PCDH11Y: variants seen among roughly 807,000 people sequenced by gnomAD.
The protein encoded by PCDH11Y is protocadherin-11 Y-linked.
For missense variants in PCDH11Y, 12 were observed against 224.8 expected (o/e 0.05, Z 6.05); for synonymous variants, 9 against 83.6 (o/e 0.11, Z 4.87).
chrY:5,172,797 A>T, intron 2 of PCDH11Y, among the ~76,000 whole-genome samples: 1 of 32,029 alleles, frequency 3.1e-5, no homozygotes, highest in Non-Finnish European at 7.7e-5. Context: ...GCCAAATTAT[A>T]GTTAAACAGA....
At chrY:5,365,356 T>C in intron 2 of PCDH11Y, among the ~76,000 whole-genome samples, 2 of 33,118 alleles carry the variant, frequency 6.0e-5, no homozygotes, top group African/African-American at 1.2e-4. Context: ...CAAAAATGTT[T>C]ATTTAGTGTT....
At chrY:5,307,660 C>A in intron 2 of PCDH11Y, among the ~76,000 whole-genome samples, 1 of 32,841 alleles carries the variant, frequency 3.0e-5, no homozygotes, top group Non-Finnish European at 7.5e-5. Context: ...CCTATTAACA[C>A]TGTGAATCAT....
intron 2 of PCDH11Y, among the ~76,000 whole-genome samples, chrY:5,146,605 C>T (rs1602876129): frequency 6.2e-5 from 2 of 32,515 alleles, no homozygotes; most frequent in South Asian, 7.0e-4. Flanking sequence ...TCTAGTTATA[C>T]GAAGGATAGC....
chrY:5,430,733 C>G lies in PCDH11Y; in HGVS notation c.3130-70324C>G, dbSNP rs2053268057. 9.5e-5 allele frequency among the ~76,000 whole-genome samples: 3 copies of G among 31,536 alleles called. No individual in the cohort carries two copies. In the South Asian group the frequency reaches 2.2e-3, roughly 23 times the overall value. 84.6% of individuals were successfully genotyped at this position (31,536 alleles called of 37,273 possible). A position where few individuals can be genotyped will look rare whatever the true frequency, so the allele number is the denominator to read the frequency against. On this transcript the variant is annotated intron_variant, in intron 2 of 4. Transcript: ENST00000400457. ...AGTTTTTAGTGTCATTTTGAAAGACCCTATTATGAAATTATGAAAACAGTA... is the reference window on the plus strand; with the variant it reads ...AGTTTTTAGTGTCATTTTGAAAGACGCTATTATGAAATTATGAAAACAGTA...
chrY:5,255,778 A>G, intron 2 of PCDH11Y, among the ~76,000 whole-genome samples: 2 of 33,185 alleles, frequency 6.0e-5, no homozygotes, highest in African/African-American at 2.3e-4. Flanking sequence ...TTTGATTTAC[A>G]TTTGTCTAAC....
intron 2 of PCDH11Y, among the ~76,000 whole-genome samples, chrY:5,410,933 T>G: frequency 3.3e-5 from 1 of 30,677 alleles, no homozygotes; most frequent in Non-Finnish European, 7.8e-5. Context: ...TCCAGTATAC[T>G]ATTGATGGGT....
chrY:5,256,777 C>A (rs2053011612), intron 2 of PCDH11Y, among the ~76,000 whole-genome samples: 2 of 32,911 alleles, frequency 6.1e-5, no homozygotes, highest in Non-Finnish European at 1.5e-4. Flanking sequence ...TAGGTTAATT[C>A]CTCGGTATTC....
intron 2 of PCDH11Y, among the ~76,000 whole-genome samples, chrY:5,383,743 C>T (rs2053207796): frequency 1.6e-4 from 5 of 31,446 alleles, no homozygotes; most frequent in South Asian, 7.4e-4. Context: ...CTCAGCCTCC[C>T]GAGTAGCTGA....
At chrY:5,236,717 T>C in intron 2 of PCDH11Y, among the ~76,000 whole-genome samples, 1 of 30,867 alleles carries the variant, frequency 3.2e-5, no homozygotes, top group South Asian at 7.3e-4. Flanking sequence ...ATAGAACAGA[T>C]GTGTGTTCAT....
At chrY:5,434,455 C>T (rs2053271726) in intron 2 of PCDH11Y, among the ~76,000 whole-genome samples, 1 of 32,295 alleles carries the variant, frequency 3.1e-5, no homozygotes, top group East Asian at 8.1e-4. Context: ...TGTCTCTGCT[C>T]CTGTTCTGGA....
intron 2 of PCDH11Y, among the ~76,000 whole-genome samples, chrY:5,134,642 C>T (rs373166427): frequency 0.039 from 1,264 of 32,228 alleles, no homozygotes; most frequent in Middle Eastern, 0.3. Flanking sequence ...TGATATATCA[C>T]CTTAATGATT....
At chrY:5,042,935 G>A in intron 3 of PCDH11Y, among the ~76,000 whole-genome samples, 9 of 30,080 alleles carry the variant, frequency 3.0e-4, no homozygotes, top group Admixed American at 6.4e-4. Flanking sequence ...GTATAAGAAT[G>A]CTTGTGATTT....
At chrY:5,205,665 T>A in intron 2 of PCDH11Y, among the ~76,000 whole-genome samples, 2 of 26,444 alleles carry the variant, frequency 7.6e-5, no homozygotes, top group African/African-American at 3.0e-4. Context: ...TATATAAATA[T>A]ATATATATAT....
intron 4 of PCDH11Y, among the ~76,000 whole-genome samples, chrY:5,636,319 T>G: frequency 5.9e-5 from 2 of 33,615 alleles, no homozygotes; most frequent in African/African-American, 2.3e-4. Context: ...ATAACAATAA[T>G]CTGAATGATT....
At chrY:5,601,356 A>G in intron 4 of PCDH11Y, among the ~76,000 whole-genome samples, 1 of 32,427 alleles carries the variant, frequency 3.1e-5, no homozygotes, top group Non-Finnish European at 7.6e-5. Flanking sequence ...AGAATTAACA[A>G]ATATTTATTT....
chrY:5,680,408 C>T (rs2053557261), intron 4 of PCDH11Y, among the ~76,000 whole-genome samples: 1 of 32,222 alleles, frequency 3.1e-5, no homozygotes, highest in African/African-American at 1.2e-4. Flanking sequence ...ACAATAAATA[C>T]CTGACTATTC....
chrY:5,567,061 GT>G (rs2053435814), intron 3 of PCDH11Y, among the ~76,000 whole-genome samples: 24 of 27,348 alleles, frequency 8.8e-4, no homozygotes, highest in South Asian at 1.6e-3. Context: ...ATGAGATTAT[GT>G]TTTTTTTTTT....
intron 3 of PCDH11Y, among the ~76,000 whole-genome samples, chrY:5,531,168 G>A (rs2053392970): frequency 1.0e-3 from 32 of 31,901 alleles, no homozygotes; most frequent in African/African-American, 3.9e-3. Flanking sequence ...TCAATATGAC[G>A]TTAAATAACA....
At chrY:5,358,639 G>T (rs2053170753) in intron 2 of PCDH11Y, among the ~76,000 whole-genome samples, 2 of 32,873 alleles carry the variant, frequency 6.1e-5, no homozygotes, top group Admixed American at 5.7e-4. Context: ...GCATTCTTTT[G>T]AGTTTCTGAT....
Sources: allele counts gnomAD v4.1 joint callset (sites outside exome capture counted in the v4.1 genomes callset), GRCh38; gene constraint gnomAD v4.1.1; transcripts MANE v1.5; gene names NCBI Gene and HGNC (gene_info 2026-07-23, HGNC 2026-07-21).